The following RAB22A variants were observed in gnomAD, a reference collection of about 807,000 sequenced individuals.
The protein encoded by RAB22A is ras-related protein Rab-22A.
In RAB22A, 13 loss-of-function variants were observed where a neutral mutation model predicts 30.2. That is an observed-to-expected ratio of 0.43 (90% confidence interval 0.28 to 0.68). RAB22A has a LOEUF of 0.68. Ranked by LOEUF, RAB22A falls within the 30% of genes least tolerant of loss-of-function variation. RAB22A has a pLI of 0.18. For missense variants in RAB22A, 177 were observed against 246.8 expected, an observed-to-expected ratio of 0.72 and a Z score of 1.89; for synonymous variants, 89 against 87.2, an observed-to-expected ratio of 1.02 and a Z score of -0.11.
intron 2 of RAB22A, among the ~76,000 whole-genome samples, chr20:58,312,138 A>G (rs1986239423): frequency 6.6e-6 from 1 of 151,990 alleles, no homozygotes; most frequent in Admixed American, 6.6e-5. Flanking sequence ...TATTTTTAGT[A>G]GAGACAAGGT....
In RAB22A at chr20:58,359,960, C is replaced by T. The variant is rs41310825; in HGVS notation, c.*257C>T. The T allele has an allele frequency of 7.0e-3, 1,532 of 217,342 alleles. 14 individuals carry two copies. The highest frequency in any genetic ancestry group is 8.2e-3 in the Non-Finnish European group (897 of 109,794). The allele number at this position is 217,342 out of a possible 1,614,324, so 13.5% of individuals were successfully genotyped here. A position where few individuals can be genotyped will look rare whatever the true frequency, so the allele number is the denominator to read the frequency against. On this transcript the variant is annotated 3_prime_UTR_variant, in exon 7 of 7. Transcript: ENST00000244040. The stretch of plus-strand genomic sequence containing the variant: ...GGCTTTTGACCTTGCTGAAAAGGAA[C>T]ATATAATTGTATGGATGGTAGGATT...
intron 2 of RAB22A, among the ~76,000 whole-genome samples, chr20:58,315,653 G>A (rs1465180298): frequency 2.0e-5 from 3 of 152,036 alleles, no homozygotes; most frequent in Non-Finnish European, 4.4e-5. Flanking sequence ...TGCAGTAAAT[G>A]GTGGTGGTGT....
chr20:58,313,497 A>T (rs1986272376), intron 2 of RAB22A, among the ~76,000 whole-genome samples: 2 of 151,762 alleles, frequency 1.3e-5, no homozygotes, highest in South Asian at 4.2e-4. Context: ...ACCCCACTCC[A>T]CCACAAGAGC....
chr20:58,359,019 C>G (rs1987179734), intron 6 of RAB22A, among the ~76,000 whole-genome samples: 1 of 152,066 alleles, frequency 6.6e-6, no homozygotes, highest in Admixed American at 6.6e-5. Context: ...ATTTCTTGCC[C>G]CATTTGGCCT....
chr20:58,319,788 T>C (rs985389821), intron 2 of RAB22A, among the ~76,000 whole-genome samples: 2 of 152,242 alleles, frequency 1.3e-5, no homozygotes, highest in Non-Finnish European at 2.9e-5. Flanking sequence ...ATTATCAGGT[T>C]GAAGATGTTC....
intron 2 of RAB22A, among the ~76,000 whole-genome samples, chr20:58,316,129 A>G (rs1986333074): frequency 6.6e-6 from 1 of 152,084 alleles, no homozygotes; most frequent in South Asian, 2.1e-4. Flanking sequence ...ACTCAGGTAC[A>G]TGTTAGTGGC....
At chr20:58,357,934 CTT>C (rs1987158795) in intron 6 of RAB22A, among the ~76,000 whole-genome samples, 1 of 152,188 alleles carries the variant, frequency 6.6e-6, no homozygotes, top group African/African-American at 2.4e-5. Flanking sequence ...TTACAAAATA[CTT>C]CTGTGTCAGG....
chr20:58,310,349 G>T (rs968319655), intron 1 of RAB22A, among the ~76,000 whole-genome samples: 1 of 152,098 alleles, frequency 6.6e-6, no homozygotes. Context: ...GGTATTAGTT[G>T]GGAGTTGGCC....
Position 58,311,131 on chromosome 20 carries a change from C to G in RAB22A, c.116+9C>G, listed in dbSNP as rs1568862090. 2.6e-6 allele frequency: 4 copies of G among 1,562,230 alleles called. No individual in the cohort carries two copies. In the East Asian group the frequency reaches 6.7e-5, roughly 26 times the overall value. On this transcript the variant is annotated intron_variant, in intron 2 of 6. Coordinates refer to ENST00000244040, the MANE Select transcript of RAB22A (RefSeq NM_020673.3). ...ATCAACCCAACAATAGGGTAAGAGA[C>G]TTTTATTTGATACACATCTAAAGGT...
At chr20:58,325,748 A>C (rs1397573973) in intron 2 of RAB22A, among the ~76,000 whole-genome samples, 3 of 152,174 alleles carry the variant, frequency 2.0e-5, no homozygotes, top group Admixed American at 1.3e-4. Flanking sequence ...ACTGTTTGCT[A>C]TGTGGATCAG....
chr20:58,360,317 C>T lies in RAB22A; in HGVS notation c.*614C>T, dbSNP rs1322262212. ...AACAATGATAGCAGCAGATGCCTAG[C>T]TCATCCTGGGTTTGCTTCTGACCTT... is the stretch of plus-strand genomic sequence containing the variant. On this transcript the variant is annotated 3_prime_UTR_variant, in exon 7 of 7. Coordinates refer to ENST00000244040, the MANE Select transcript of RAB22A (RefSeq NM_020673.3). 1 of 152,664 alleles carries T rather than the reference C, an allele frequency of 6.6e-6. No homozygotes were observed. Among genetic ancestry groups the T allele is most frequent in the African/African-American group, 2.4e-5 (1 of 41,470 alleles). 9.5% of individuals were successfully genotyped at this position (152,664 alleles called of 1,614,324 possible).
At position 58,319,504 on chromosome 20, in the gene RAB22A, C is replaced by T. The variant is rs148667370; in HGVS notation, c.116+8382C>T. On this transcript the variant is annotated intron_variant, in intron 2 of 6. Transcript: ENST00000244040. ...ATCAGATAGTGTATGTCATCTAATT[C>T]TATTCTTGTTTTTCATGTCTGGCTC... 8.5e-3 allele frequency among the ~76,000 whole-genome samples: 1,297 copies of T among 152,228 alleles called. 26 individuals carry two copies. The highest frequency in any genetic ancestry group is 0.013 in the Non-Finnish European group (878 of 68,008).
intron 2 of RAB22A, among the ~76,000 whole-genome samples, chr20:58,315,338 A>G (rs914806253): frequency 6.6e-6 from 1 of 151,910 alleles, no homozygotes; most frequent in African/African-American, 2.4e-5. Context: ...CCTCCAACCC[A>G]TGATTTGCAC....
chr20:58,343,860 T>C (rs1268406815), intron 3 of RAB22A, 61 bp downstream of exon 3: 1 of 1,302,110 alleles, frequency 7.7e-7, no homozygotes, highest in Non-Finnish European at 1.1e-6. Context: ...CCAACTAAAC[T>C]GTCAGCATCC....
At chr20:58,318,723 ACCTCCTTGTGCACATTTGCCCT>A (rs1264063812) in intron 2 of RAB22A, among the ~76,000 whole-genome samples, 1 of 151,430 alleles carries the variant, frequency 6.6e-6, no homozygotes, top group Non-Finnish European at 1.5e-5. Context: ...TCCTCCTCCC[ACCTCCTTGTGCACATTTGCCCT>A]CCCTCCATCT....
At position 58,309,871 on chromosome 20, in the gene RAB22A, G is replaced by A. The variant is rs76672999; in HGVS notation, c.-106G>A. 0.014 allele frequency: 16,011 copies of A among 1,124,780 alleles called. 157 individuals are homozygous for A. Among genetic ancestry groups the A allele is most frequent in the East Asian group, 0.037 (1,136 of 30,822 alleles). 69.7% of individuals were successfully genotyped at this position (1,124,780 alleles called of 1,614,324 possible). On this transcript the variant is annotated 5_prime_UTR_variant, in exon 1 of 7. Transcript: ENST00000244040. ...GGCAGCCGCCTCTGCGCGGACCGGG[G>A]CTGGGCCGTGCGGCGGCAGCGGCGC...
rs114951498 is a variant in RAB22A, at chr20:58,318,851, G to T, written c.116+7729G>T. Among the ~76,000 whole-genome samples, 343 of 152,248 alleles carry T rather than the reference G, an allele frequency of 2.3e-3. 2 individuals carry two copies. The highest frequency in any genetic ancestry group is 7.8e-3 in the African/African-American group (322 of 41,536). On this transcript the variant is annotated intron_variant, in intron 2 of 6. Transcript: ENST00000244040. ...CCCAGCTCTAGCACTTAGTTGCTCT[G>T]TGGCATTGGACAAGTTATTTAACTT...
chr20:58,322,641 C>G (rs1367695430), intron 2 of RAB22A, among the ~76,000 whole-genome samples: 1 of 151,986 alleles, frequency 6.6e-6, no homozygotes, highest in African/African-American at 2.4e-5. Flanking sequence ...TTATAATATC[C>G]TTCTTTGATA....
chr20:58,324,521 T>G (rs1408848716), intron 2 of RAB22A, among the ~76,000 whole-genome samples: 1 of 152,140 alleles, frequency 6.6e-6, no homozygotes, highest in Admixed American at 6.5e-5. Context: ...TCTAACTTCT[T>G]GAGATAGACA....
Sources: gnomAD v4.1 joint callset for allele counts (sites outside exome capture counted in the v4.1 genomes callset) on GRCh38, gnomAD v4.1.1 for gene constraint, MANE v1.5 for transcripts, NCBI Gene and HGNC (gene_info 2026-07-23, HGNC 2026-07-21) for gene names.